Variants in CHEK2 observed in about 807,000 individuals in gnomAD.
CHEK2 encodes checkpoint kinase 2.
CHEK2 carries 71 observed loss-of-function variants against 69.1 expected under a neutral mutation model. That is an observed-to-expected ratio of 1.03 (90% CI 0.85 to 1.25). The LOEUF (loss-of-function observed/expected upper bound fraction) is 1.25, where lower values mean the gene tolerates loss of function less well. CHEK2 is among the 50% of genes most tolerant of loss of function. CHEK2 has a pLI of 0.00. For synonymous variants in CHEK2, 189 were observed against 226.9 expected (o/e 0.83, Z 1.50); for missense variants, 664 against 649.6 (o/e 1.02, Z -0.24).
chr22:28,691,096 T>C (rs1437839079), intron 13 of CHEK2, among the ~76,000 whole-genome samples: 1 of 152,222 alleles, frequency 6.6e-6, no homozygotes, highest in African/African-American at 2.4e-5. Flanking sequence ...CTCAATTATC[T>C]TGCAGTGTCA....
chr22:28,716,327 G>A lies in CHEK2; in HGVS notation c.683+3068C>T, dbSNP rs1282125363. 1.3e-5 allele frequency among the ~76,000 whole-genome samples: 2 copies of A among 151,458 alleles called. 1 individual carries two copies. Among genetic ancestry groups the A allele is most frequent in the Non-Finnish European group, 2.9e-5 (2 of 67,956 alleles). ...TTCTCCTGCCTCAGCCTCCCAAGTA[G>A]CTGGGATTACAGGCATGCGTCACCA... On this transcript the variant is annotated intron_variant, in intron 5 of 14. Coordinates refer to ENST00000404276, the MANE Select transcript of CHEK2 (RefSeq NM_007194.4).
At chr22:28,721,420 G>A (rs575445465) in intron 4 of CHEK2, 10 of 299,300 alleles carry the variant, frequency 3.3e-5, no homozygotes, top group South Asian at 2.8e-4. Flanking sequence ...CTGAGTAGCT[G>A]GGATTACAGG....
At chr22:28,702,308 A>G (rs541346367) in intron 8 of CHEK2, among the ~76,000 whole-genome samples, 3 of 150,436 alleles carry the variant, frequency 2.0e-5, no homozygotes, top group Non-Finnish European at 3.0e-5. Flanking sequence ...GCGCGATCTC[A>G]GCTCATTGCA....
chr22:28,734,333 A>T (rs2054306625), intron 2 of CHEK2, 70 bp downstream of exon 2: 19 of 1,482,564 alleles, frequency 1.3e-5, no homozygotes, highest in Non-Finnish European at 1.6e-5. Context: ...AGAACCTTCC[A>T]CCTGGTAATA....
chr22:28,722,708 C>T (rs2053843041), intron 4 of CHEK2, among the ~76,000 whole-genome samples: 1 of 151,966 alleles, frequency 6.6e-6, no homozygotes, highest in South Asian at 2.1e-4. Flanking sequence ...TTAGGCATGA[C>T]TTTATTTTGT....
intron 4 of CHEK2, among the ~76,000 whole-genome samples, 179 bp from the exon 5 acceptor site, chr22:28,719,664 G>A (rs973531993): frequency 1.3e-5 from 2 of 152,168 alleles, no homozygotes; most frequent in African/African-American, 4.8e-5. Flanking sequence ...AATACATATT[G>A]TAAAGCCCTT....
At chr22:28,728,507 A>C (rs1006094007) in intron 2 of CHEK2, among the ~76,000 whole-genome samples, 6 of 152,178 alleles carry the variant, frequency 3.9e-5, no homozygotes, top group Non-Finnish European at 7.3e-5. Context: ...CAGCCTGTGC[A>C]ACATGGCAAA....
intron 9 of CHEK2, among the ~76,000 whole-genome samples, chr22:28,698,805 G>T (rs2052698217): frequency 6.6e-6 from 1 of 152,094 alleles, no homozygotes; most frequent in African/African-American, 2.4e-5. Flanking sequence ...TGCTGCACCT[G>T]AAGGGAAACA....
intron 9 of CHEK2, among the ~76,000 whole-genome samples, chr22:28,697,379 T>C (rs1014927666): frequency 6.6e-6 from 1 of 152,160 alleles, no homozygotes; most frequent in African/African-American, 2.4e-5. Flanking sequence ...CCTGAGAATA[T>C]TTTTAAAGGG....
At chr22:28,718,916 A>ACACACAC in intron 5 of CHEK2, among the ~76,000 whole-genome samples, 1 of 149,174 alleles carries the variant, frequency 6.7e-6, no homozygotes, top group South Asian at 2.2e-4. Flanking sequence ...ACACACACAC[A>ACACACAC]CACACAGGAA....
chr22:28,726,984 T>C (rs1316885733), intron 2 of CHEK2, among the ~76,000 whole-genome samples: 3 of 151,696 alleles, frequency 2.0e-5, no homozygotes, highest in African/African-American at 7.3e-5. Context: ...TTGCCTTTTG[T>C]ATAACAGATA....
intron 2 of CHEK2, chr22:28,730,523 T>C (rs577847851): frequency 1.3e-5 from 9 of 693,866 alleles, no homozygotes; most frequent in South Asian, 7.5e-5. Context: ...CAAGATCAGA[T>C]TGGGTAACAT....
chr22:28,693,323 A>G (rs1261002407), intron 13 of CHEK2, among the ~76,000 whole-genome samples: 1 of 152,178 alleles, frequency 6.6e-6, no homozygotes, highest in Non-Finnish European at 1.5e-5. Flanking sequence ...AATACAGATG[A>G]AAAGTGCAGG....
chr22:28,712,472 G>A (rs952887591), intron 5 of CHEK2, among the ~76,000 whole-genome samples: 1 of 152,142 alleles, frequency 6.6e-6, no homozygotes, highest in Non-Finnish European at 1.5e-5. Flanking sequence ...ATCTTCAAAG[G>A]AAGTGCATAA....
chr22:28,701,697 A>G (rs1043380295), intron 8 of CHEK2, among the ~76,000 whole-genome samples: 1 of 152,182 alleles, frequency 6.6e-6, no homozygotes, highest in African/African-American at 2.4e-5. Flanking sequence ...AAATAACACA[A>G]GACATTATCG....
At chr22:28,722,831 C>T (rs896120285) in intron 4 of CHEK2, among the ~76,000 whole-genome samples, 2 of 152,100 alleles carry the variant, frequency 1.3e-5, no homozygotes, top group Non-Finnish European at 2.9e-5. Context: ...ATCCTCTAGC[C>T]TCACCTTTCT....
At chr22:28,724,680 C>A in intron 4 of CHEK2, 1 of 391,656 alleles carries the variant, frequency 2.6e-6, no homozygotes. Flanking sequence ...GATTCTCCTG[C>A]CTCAGCCTCC....
intron 5 of CHEK2, among the ~76,000 whole-genome samples, chr22:28,719,047 C>T (rs9625544): frequency 0.045 from 6,828 of 152,032 alleles, 178 homozygotes; most frequent in Middle Eastern, 0.071. Context: ...GGCAACACAG[C>T]GCAACCCCAA....
chr22:28,703,662 C>T, intron 7 of CHEK2, 96 bp from the exon 8 acceptor site: 1 of 774,204 alleles, frequency 1.3e-6, no homozygotes, highest in Non-Finnish European at 2.2e-6. Context: ...ACAGGGAGGC[C>T]AAGAACAGGC....
Sources: allele counts gnomAD v4.1 joint callset (sites outside exome capture counted in the v4.1 genomes callset), GRCh38; gene constraint gnomAD v4.1.1; transcripts MANE v1.5; gene names NCBI Gene and HGNC (gene_info 2026-07-23, HGNC 2026-07-21).